The following SPATS1 variants were observed in gnomAD, a reference collection of about 807,000 sequenced individuals.
SPATS1 encodes spermatogenesis associated serine rich 1.
Under a neutral mutation model 33.6 loss-of-function variants are expected in SPATS1, and 23 were observed. That is an observed-to-expected ratio of 0.68 (90% confidence interval 0.49 to 0.97). The LOEUF is 0.97. Among genes scored for constraint, SPATS1 ranks in the 50% least tolerant of loss-of-function variants. The pLI, the probability that SPATS1 is intolerant of heterozygous loss-of-function variation, is 0.00. For missense variants in SPATS1, 327 were observed against 361.0 expected (o/e 0.91, Z 0.76); for synonymous variants, 131 against 125.6 (o/e 1.04, Z -0.29).
intron 4 of SPATS1, chr6:44,361,355 C>T (rs889085824): frequency 4.0e-5 from 39 of 985,310 alleles, no homozygotes; most frequent in African/African-American, 2.6e-4. Flanking sequence ...GTCCATTTCC[C>T]GGTGTCACCG....
intron 3 of SPATS1, among the ~76,000 whole-genome samples, chr6:44,359,772 G>A (rs1788794316): frequency 6.6e-6 from 1 of 151,864 alleles, no homozygotes. Flanking sequence ...GTGTCTCCAT[G>A]TTGCCCAGGC....
chr6:44,361,387 T>C, intron 4 of SPATS1: 3 of 985,444 alleles, frequency 3.0e-6, no homozygotes, highest in African/African-American at 3.5e-5. Flanking sequence ...CGTGCTATTG[T>C]TGCAGCCAAC....
intron 7 of SPATS1, among the ~76,000 whole-genome samples, chr6:44,374,919 C>T (rs1308010782): frequency 2.6e-5 from 4 of 152,202 alleles, no homozygotes; most frequent in Admixed American, 6.5e-5. Flanking sequence ...TTCGTTCTTG[C>T]AGGGACTTCC....
chr6:44,369,031 G>A (rs1353779041), intron 6 of SPATS1, among the ~76,000 whole-genome samples: 1 of 151,722 alleles, frequency 6.6e-6, no homozygotes, highest in Non-Finnish European at 1.5e-5. Flanking sequence ...CGAGTAGCTG[G>A]GACTACAGGT....
rs1790069750 is a variant in SPATS1 at position 44,378,487 on chromosome 6, T to C, written c.*1424T>C. 6.6e-6 allele frequency: 1 copy of C among 152,146 alleles called. No individual in the cohort carries two copies. The highest frequency in any genetic ancestry group is 2.1e-4 in the South Asian group (1 of 4,822). The allele number at this position is 152,146 out of a possible 1,614,324, so 9.4% of individuals were successfully genotyped here. A position where few individuals can be genotyped will look rare whatever the true frequency, so the allele number is the denominator to read the frequency against. On this transcript the variant is annotated 3_prime_UTR_variant, in exon 9 of 9. Transcript: ENST00000674044. ...TGAAGCAGGTTTAGAACACGATACATTTAGCCAGGTGTGGTGGCTCATGCC... is the reference window on the plus strand; with the variant it reads ...TGAAGCAGGTTTAGAACACGATACACTTAGCCAGGTGTGGTGGCTCATGCC...
At chr6:44,357,745 G>A (rs1282969817) in intron 3 of SPATS1, among the ~76,000 whole-genome samples, 2 of 152,128 alleles carry the variant, frequency 1.3e-5, no homozygotes, top group African/African-American at 2.4e-5. Context: ...GGCTGGTCTC[G>A]AACTCCTGCC....
chr6:44,370,194 AGGTAGAT>A, intron 7 of SPATS1, 81 bp downstream of exon 7: 1 of 1,343,166 alleles, frequency 7.4e-7, no homozygotes, highest in Non-Finnish European at 1.0e-6. Flanking sequence ...GTGGAGGAGC[AGGTAGAT>A]AACCAGGACA....
intron 3 of SPATS1, among the ~76,000 whole-genome samples, chr6:44,356,237 C>T (rs1267494351): frequency 1.3e-5 from 2 of 152,142 alleles, no homozygotes; most frequent in South Asian, 2.1e-4. Context: ...ATACTTGTCT[C>T]CTGCCGCTCA....
chr6:44,344,390 C>T (rs2396240), intron 2 of SPATS1, among the ~76,000 whole-genome samples: 27,764 of 145,568 alleles, frequency 0.19, 3,042 homozygotes, highest in East Asian at 0.39. Flanking sequence ...ATTGAAGATA[C>T]GTGTGTGTGT....
chr6:44,368,927 C>T (rs9462983), intron 6 of SPATS1, among the ~76,000 whole-genome samples: 87,757 of 147,894 alleles, frequency 0.59, 27,928 homozygotes, highest in Middle Eastern at 0.74. Flanking sequence ...GACGGAGTCT[C>T]GCTCCGTCGC....
chr6:44,373,098 G>T (rs1439018918), intron 7 of SPATS1, among the ~76,000 whole-genome samples: 2 of 152,186 alleles, frequency 1.3e-5, no homozygotes, highest in African/African-American at 4.8e-5. Flanking sequence ...CAAAGGAAGT[G>T]CTGTGTAAAT....
rs565463992 is a variant in SPATS1 at position 44,363,657 on chromosome 6, T to G, written c.574+1665T>G. 6.7e-4 allele frequency among the ~76,000 whole-genome samples: 9 copies of G among 13,410 alleles called. No homozygotes were observed. The East Asian group carries it at 7.1e-3, about 11-fold the overall frequency. 8.8% of individuals were successfully genotyped at this position (13,410 alleles called of 152,430 possible). ...TTCTTTCTTTCCTTCCTTCCTTCCC[T>G]CCTTCCCTCCTTCCTTCCTTCCCTC... On this transcript the variant is annotated intron_variant, in intron 5 of 8. Coordinates refer to ENST00000674044, the MANE Select transcript of SPATS1 (RefSeq NM_001372081.1).
At chr6:44,376,964 C>T (rs187058199) in intron 8 of SPATS1, 71 bp from the exon 9 acceptor site, 280 of 1,565,294 alleles carry the variant, frequency 1.8e-4, no homozygotes, top group Non-Finnish European at 5.5e-5. Context: ...CATTGGGGGT[C>T]GAGTGTATTG....
chr6:44,368,413 T>C lies in SPATS1; in HGVS notation c.609T>C (p.Thr203=), dbSNP rs772964999. The C allele has an allele frequency of 6.2e-7, 1 of 1,613,564 alleles. No homozygotes were observed. The highest frequency in any genetic ancestry group is 8.5e-7 in the Non-Finnish European group (1 of 1,179,770). ...IDPRNGIPKL[T]PGDNPYMYPE... ...CCAGGAATGGAATCCCAAAGTTAAC[T>C]CCAGGCGACAATCCATATATGTACC... Residue 203 remains threonine, a synonymous_variant, in exon 6 of 9, where the codon ACT becomes ACC. Coordinates refer to ENST00000674044, the MANE Select transcript of SPATS1 (RefSeq NM_001372081.1).
chr6:44,345,123 C>T (rs1787796896), intron 2 of SPATS1, among the ~76,000 whole-genome samples: 1 of 152,040 alleles, frequency 6.6e-6, no homozygotes, highest in Admixed American at 6.6e-5. Context: ...AGTAAGTGTT[C>T]AGGCTTGCAA....
Position 44,368,439 on chromosome 6 carries a change from C to T in SPATS1, c.635C>T (p.Pro212Leu), listed in dbSNP as rs1465014274. The T allele has an allele frequency of 2.5e-6, 4 of 1,613,638 alleles. No homozygotes were observed. The highest frequency in any genetic ancestry group is 2.5e-6 in the Non-Finnish European group (3 of 1,179,766). ...CCAGGCGACAATCCATATATGTACCCAGAACAGAGTAAAGGCTTCCACAAA... is the reference window on the plus strand; with the variant it reads ...CCAGGCGACAATCCATATATGTACCTAGAACAGAGTAAAGGCTTCCACAAA... The part of the protein sequence containing the change: ...LTPGDNPYMY[P>L]EQSKGFHKAG... Residue 212 changes from proline (P) to leucine (L), a missense_variant, in exon 6 of 9, where the codon CCA (proline) becomes CTA (leucine). Physicochemically the swap from Pro to Leu is moderately conservative, Grantham distance 98. Coordinates refer to ENST00000674044, the MANE Select transcript of SPATS1 (RefSeq NM_001372081.1).
rs35925177 is a variant in SPATS1, at chr6:44,379,784, TAA to T, written c.*2732_*2733del. On this transcript the variant is annotated 3_prime_UTR_variant, in exon 9 of 9. Transcript: ENST00000674044. ...TAATCCAGGCCGCAAAAACCATGAGTAAAAAAAAAAAACACAAAAAAACAAAA... is the reference window on the plus strand; with the variant it reads ...TAATCCAGGCCGCAAAAACCATGAGTAAAAAAAAAACACAAAAAAACAAAA... 7.7e-6 allele frequency among the ~76,000 whole-genome samples: 1 copy of T among 130,504 alleles called. No individual in the cohort carries two copies. 85.6% of individuals were successfully genotyped at this position (130,504 alleles called of 152,430 possible). A position where few individuals can be genotyped will look rare whatever the true frequency, so the allele number is the denominator to read the frequency against.
In SPATS1 at chr6:44,375,535, G is replaced by C. The variant is rs150491022; in HGVS notation, c.759-823G>C. On this transcript the variant is annotated intron_variant, in intron 7 of 8. Transcript: ENST00000674044. ...GCTCAAAGGTGGAAGCACGGGTGGGGATGGTGGCTCATGCCTGTAATCTCA... is the reference window on the plus strand; with the variant it reads ...GCTCAAAGGTGGAAGCACGGGTGGGCATGGTGGCTCATGCCTGTAATCTCA... Among the ~76,000 whole-genome samples, 1,179 of 152,262 alleles carry C rather than the reference G, an allele frequency of 7.7e-3. 8 individuals are homozygous for C. Among genetic ancestry groups the C allele is most frequent in the Non-Finnish European group, 0.013 (856 of 67,996 alleles).
chr6:44,366,956 A>G (rs1057052038), intron 5 of SPATS1, among the ~76,000 whole-genome samples: 8 of 152,214 alleles, frequency 5.3e-5, no homozygotes, highest in African/African-American at 7.2e-5. Context: ...TAGAAATTGC[A>G]GGAGTGAGTA....
Sources: allele counts gnomAD v4.1 joint callset (sites outside exome capture counted in the v4.1 genomes callset), GRCh38; gene constraint gnomAD v4.1.1; transcripts MANE v1.5; gene names NCBI Gene and HGNC (gene_info 2026-07-23, HGNC 2026-07-21).